The following PPP2R2A variants were observed in gnomAD, a reference collection of about 807,000 sequenced individuals.
PPP2R2A encodes serine/threonine-protein phosphatase 2A 55 kDa regulatory subunit B alpha isoform.
Under a neutral mutation model 53.2 loss-of-function variants are expected in PPP2R2A, and 9 were observed. The observed-to-expected ratio is 0.17, with a 90% CI of 0.10 to 0.30. PPP2R2A has a LOEUF of 0.30. Ranked by LOEUF, PPP2R2A falls within the 10% of genes least tolerant of loss-of-function variation. The pLI is 1.00. For synonymous variants in PPP2R2A, 169 were observed against 174.2 expected (o/e 0.97, Z 0.23); for missense variants, 235 against 534.6 (o/e 0.44, Z 5.53).
intron 3 of PPP2R2A, among the ~76,000 whole-genome samples, chr8:26,343,416 G>A (rs1403391887): frequency 6.7e-6 from 1 of 150,120 alleles, no homozygotes; most frequent in African/African-American, 2.4e-5. Flanking sequence ...CTGTTGCCCA[G>A]GCTGGAGTGC....
intron 2 of PPP2R2A, among the ~76,000 whole-genome samples, chr8:26,323,891 C>G (rs763906185): frequency 2.6e-5 from 4 of 152,224 alleles, no homozygotes; most frequent in East Asian, 1.9e-4. Context: ...CTCCTCTACT[C>G]TCTTAGGCTA....
chr8:26,372,385 C>T lies in PPP2R2A; in HGVS notation c.*1972C>T, dbSNP rs539767602. On this transcript the variant is annotated 3_prime_UTR_variant, in exon 10 of 10. Coordinates refer to ENST00000380737, the MANE Select transcript of PPP2R2A (RefSeq NM_002717.4). ...AGATCTTTTTTGGGAGATTTTCCTA[C>T]AGCTTGGTTGTATGTCTTGAGATAA... 40 of 152,150 alleles carry T rather than the reference C, an allele frequency of 2.6e-4. No homozygotes were observed. The highest frequency in any genetic ancestry group is 4.9e-4 in the Non-Finnish European group (33 of 68,026). The allele number at this position is 152,150 out of a possible 1,614,324, so 9.4% of individuals were successfully genotyped here.
intron 2 of PPP2R2A, among the ~76,000 whole-genome samples, chr8:26,316,617 G>A (rs1207662709): frequency 6.6e-6 from 1 of 152,130 alleles, no homozygotes; most frequent in Admixed American, 6.5e-5. Context: ...GTACAGACTG[G>A]GTGGCTTACA....
intron 4 of PPP2R2A, chr8:26,358,996 T>G (rs148507855): frequency 1.3e-4 from 59 of 453,924 alleles, no homozygotes; most frequent in African/African-American, 1.1e-3. Flanking sequence ...TGGCAAACAT[T>G]GTCTTAACCA....
intron 3 of PPP2R2A, among the ~76,000 whole-genome samples, chr8:26,344,046 C>T (rs1034529361): frequency 1.3e-5 from 2 of 152,086 alleles, no homozygotes; most frequent in African/African-American, 4.8e-5. Flanking sequence ...TACCAGATTA[C>T]CCATCCAAAG....
chr8:26,315,646 G>C (rs936967774), intron 2 of PPP2R2A, among the ~76,000 whole-genome samples: 4 of 152,108 alleles, frequency 2.6e-5, no homozygotes, highest in Admixed American at 2.6e-4. Context: ...AGCCCTGCAA[G>C]GTACCTGGTG....
intron 2 of PPP2R2A, among the ~76,000 whole-genome samples, chr8:26,297,386 G>A (rs1039597608): frequency 6.6e-6 from 1 of 152,176 alleles, no homozygotes; most frequent in East Asian, 1.9e-4. Flanking sequence ...GAGATTACAG[G>A]TGTGAGCCAC....
intron 3 of PPP2R2A, among the ~76,000 whole-genome samples, chr8:26,345,488 A>G (rs1804164763): frequency 6.6e-6 from 1 of 152,186 alleles, no homozygotes; most frequent in Admixed American, 6.5e-5. Flanking sequence ...GTCTTTCTGA[A>G]TATCTGATTA....
rs1305241972 is a variant in PPP2R2A at position 26,291,569 on chromosome 8, TCGCTGTCGTAGTCGCCGCCGC to T, written c.-245_-225del. Reference sequence around the variant, plus strand: ...GCCCCTGCCGCTGCCGCCGCCGCCGTCGCTGTCGTAGTCGCCGCCGCCGCTGCCGGAGAAAGAGCACGAGCG... The same window carrying T: ...GCCCCTGCCGCTGCCGCCGCCGCCGTCGCTGCCGGAGAAAGAGCACGAGCG... On this transcript the variant is annotated 5_prime_UTR_variant, in exon 1 of 10. Transcript: ENST00000380737. The T allele has an allele frequency of 1.9e-6, 1 of 527,524 alleles. No individual in the cohort carries two copies. Among genetic ancestry groups the T allele is most frequent in the Non-Finnish European group, 3.4e-6 (1 of 297,990 alleles). The allele number at this position is 527,524 out of a possible 1,614,324, so 32.7% of individuals were successfully genotyped here.
intron 4 of PPP2R2A, among the ~76,000 whole-genome samples, chr8:26,357,774 C>T (rs1323294163): frequency 6.6e-6 from 1 of 151,994 alleles, no homozygotes; most frequent in Admixed American, 6.6e-5. Context: ...GTGAGAGGAA[C>T]TCTGTTCTTC....
chr8:26,358,800 T>C (rs1804925966), intron 4 of PPP2R2A: 4 of 375,620 alleles, frequency 1.1e-5, no homozygotes, highest in South Asian at 7.8e-5. Flanking sequence ...AAATAAACAA[T>C]TGAATGGATA....
intron 3 of PPP2R2A, among the ~76,000 whole-genome samples, chr8:26,340,814 A>G (rs1803906569): frequency 6.6e-6 from 1 of 152,116 alleles, no homozygotes; most frequent in African/African-American, 2.4e-5. Flanking sequence ...GCTGTTAGTA[A>G]TACATTAATT....
rs1357162131 is a variant in PPP2R2A at position 26,339,109 on chromosome 8, C to T, written c.180+122C>T. The T allele has an allele frequency of 4.2e-6, 3 of 707,868 alleles. No homozygotes were observed. The East Asian group carries it at 7.8e-5, about 18-fold the overall frequency. The allele number at this position is 707,868 out of a possible 1,614,324, so 43.8% of individuals were successfully genotyped here. On this transcript the variant is annotated intron_variant, in intron 3 of 9. Transcript: ENST00000380737. ...AAAAGAAGTGTGTGTTTATTGAATA[C>T]AATGTCCAATATATAGACAGCTCTG...
chr8:26,308,068 A>T (rs186735940), intron 2 of PPP2R2A, among the ~76,000 whole-genome samples: 16 of 152,392 alleles, frequency 1.0e-4, no homozygotes, highest in African/African-American at 3.6e-4. Flanking sequence ...TGTTTACATT[A>T]TGCAGTAGTC....
intron 3 of PPP2R2A, 82 bp downstream of exon 3, chr8:26,339,069 G>A (rs1803808112): frequency 3.9e-6 from 4 of 1,038,352 alleles, no homozygotes; most frequent in Non-Finnish European, 5.8e-6. Context: ...TCTCATCAGA[G>A]GATGTTGGAA....
intron 3 of PPP2R2A, among the ~76,000 whole-genome samples, chr8:26,350,080 T>TG (rs1004690919): frequency 2.0e-4 from 30 of 152,312 alleles, no homozygotes; most frequent in African/African-American, 7.0e-4. Flanking sequence ...TGTTTTTTTT[T>TG]GAGACGAAGT....
intron 2 of PPP2R2A, among the ~76,000 whole-genome samples, chr8:26,334,926 G>T (rs184438511): frequency 9.8e-4 from 149 of 152,238 alleles, no homozygotes; most frequent in Non-Finnish European, 1.9e-3. Context: ...CCCTGTTTGG[G>T]TGTAGCATGA....
At chr8:26,349,332 A>G (rs753101938) in intron 3 of PPP2R2A, among the ~76,000 whole-genome samples, 3 of 152,086 alleles carry the variant, frequency 2.0e-5, no homozygotes, top group Non-Finnish European at 4.4e-5. Flanking sequence ...ATGTACTGTC[A>G]ATGTTTTCTC....
intron 3 of PPP2R2A, among the ~76,000 whole-genome samples, chr8:26,350,996 C>CA (rs1804472757): frequency 6.7e-6 from 1 of 149,670 alleles, no homozygotes; most frequent in Non-Finnish European, 1.5e-5. Context: ...TTTTAAAAAA[C>CA]AAAACAAAAC....
Sources: gnomAD v4.1 joint callset for allele counts (sites outside exome capture counted in the v4.1 genomes callset) on GRCh38, gnomAD v4.1.1 for gene constraint, MANE v1.5 for transcripts, NCBI Gene and HGNC (gene_info 2026-07-23, HGNC 2026-07-21) for gene names.